The following ARPP21 variants were observed in gnomAD, a reference collection of about 807,000 sequenced individuals.
ARPP21 encodes cAMP-regulated phosphoprotein 21.
ARPP21 carries 69 observed loss-of-function variants against 113.2 expected under a neutral mutation model. The observed-to-expected ratio is 0.61, with a 90% CI of 0.50 to 0.74. The LOEUF (loss-of-function observed/expected upper bound fraction) is 0.74, where lower values mean the gene tolerates loss of function less well. Ranked by LOEUF, ARPP21 falls within the 30% of genes least tolerant of loss-of-function variation. The pLI, the probability that ARPP21 is intolerant of heterozygous loss-of-function variation, is 0.00. For missense variants in ARPP21, 1,070 were observed against 1,037.4 expected, an observed-to-expected ratio of 1.03 and a Z score of -0.43; for synonymous variants, 368 against 375.5, an observed-to-expected ratio of 0.98 and a Z score of 0.23.
At chr3:35,766,847 G>T (rs1479667171) in intron 19 of ARPP21, among the ~76,000 whole-genome samples, 1 of 152,110 alleles carries the variant, frequency 6.6e-6, no homozygotes, top group Non-Finnish European at 1.5e-5. Flanking sequence ...GTGTGTGTGT[G>T]TGTGTACATG....
At chr3:35,733,497 G>A (rs35102908) in intron 15 of ARPP21, among the ~76,000 whole-genome samples, 54,417 of 150,830 alleles carry the variant, frequency 0.36, 10,973 homozygotes, top group East Asian at 0.72. Context: ...AGTTTCTGAC[G>A]TGAAAACCTC....
intron 1 of ARPP21, among the ~76,000 whole-genome samples, chr3:35,646,810 A>G (rs1212431087): frequency 1.3e-5 from 2 of 152,152 alleles, no homozygotes; most frequent in African/African-American, 4.8e-5. Flanking sequence ...ATTTACTTAG[A>G]TATGCTGATG....
intron 1 of ARPP21, chr3:35,650,178 C>T (rs980079653): frequency 6.6e-6 from 1 of 152,122 alleles, no homozygotes; most frequent in Admixed American, 6.6e-5. Context: ...CATTCGAGAA[C>T]ACATTGTTTC....
At chr3:35,683,864 T>C (rs1465603591) in intron 5 of ARPP21, 49 bp downstream of exon 5, 10 of 966,672 alleles carry the variant, frequency 1.0e-5, no homozygotes, top group East Asian at 2.4e-5. Context: ...GATCCACCTT[T>C]GTGTGCATGA....
intron 19 of ARPP21, among the ~76,000 whole-genome samples, chr3:35,751,210 T>A (rs1458584027): frequency 6.6e-6 from 1 of 152,188 alleles, no homozygotes; most frequent in Non-Finnish European, 1.5e-5. Flanking sequence ...TCTGAAACTG[T>A]AGGGATGTGT....
chr3:35,768,304 T>C (rs982036889), intron 19 of ARPP21, among the ~76,000 whole-genome samples: 1 of 152,098 alleles, frequency 6.6e-6, no homozygotes, highest in African/African-American at 2.4e-5. Flanking sequence ...GAAAGTGGTT[T>C]CCTGTTCTCC....
chr3:35,705,205 T>TAA (rs2088329511), intron 9 of ARPP21, among the ~76,000 whole-genome samples: 1 of 152,050 alleles, frequency 6.6e-6, no homozygotes, highest in Admixed American at 6.6e-5. Flanking sequence ...AAAAAATGTG[T>TAA]AACAACATAT....
chr3:35,694,681 C>T (rs1307231982), intron 9 of ARPP21, among the ~76,000 whole-genome samples: 4 of 150,960 alleles, frequency 2.6e-5, no homozygotes, highest in Non-Finnish European at 5.9e-5. Context: ...TGAGCAGAGC[C>T]TTCAAGAAGA....
chr3:35,770,903 T>A (rs1021688420), intron 19 of ARPP21, among the ~76,000 whole-genome samples: 7 of 152,162 alleles, frequency 4.6e-5, no homozygotes, highest in Non-Finnish European at 7.3e-5. Context: ...GAATTACTAG[T>A]CAATAAGGAG....
chr3:35,793,700 G>A lies in ARPP21; in HGVS notation c.2287-1G>A, dbSNP rs2096792787. On this transcript the variant is annotated splice_acceptor_variant, in intron 20 of 20. Transcript: ENST00000684406. LOFTEE classifies it high-confidence loss of function. ...GGGTTCTTGCTTGTGTCTTTTTACA[G>A]GTGCCAATGACCCAGGGTTCTCAAG... is the stretch of plus-strand genomic sequence containing the variant. 1 of 1,612,374 alleles carries A rather than the reference G, an allele frequency of 6.2e-7. No individual in the cohort carries two copies.
chr3:35,754,040 C>T (rs1305860456), intron 19 of ARPP21, among the ~76,000 whole-genome samples: 3 of 144,848 alleles, frequency 2.1e-5, no homozygotes, highest in Non-Finnish European at 3.0e-5. Flanking sequence ...GATTTTTTTG[C>T]TCCTTGGGGT....
At chr3:35,690,824 A>G in intron 8 of ARPP21, 41 bp from the exon 9 acceptor site, 2 of 1,570,802 alleles carry the variant, frequency 1.3e-6, no homozygotes. Context: ...TGGGCAAAAA[A>G]TGAAAATGCT....
intron 10 of ARPP21, 65 bp downstream of exon 10, chr3:35,707,147 T>G: frequency 4.0e-6 from 5 of 1,253,646 alleles, no homozygotes; most frequent in Non-Finnish European, 5.8e-6. Flanking sequence ...CTGATGTTCA[T>G]GTCGTCCCTC....
chr3:35,659,238 T>C (rs1292716252), intron 1 of ARPP21, among the ~76,000 whole-genome samples: 9 of 152,192 alleles, frequency 5.9e-5, no homozygotes, highest in African/African-American at 1.7e-4. Flanking sequence ...ACATACATGC[T>C]TGTGAATGCA....
rs764006456 is a variant in ARPP21, at chr3:35,721,698, C to T, written c.1089C>T (p.Ser363=). ...LKWSDHQRAW[S]STDSDSSNRN... is the part of the protein sequence containing the mutation. ...GGTCTGACCACCAAAGGGCCTGGAG[C>T]AGCACAGACTCCGACAGTTCCAACC... The change falls in exon 14 of 21, where the codon AGC becomes AGT. Residue 363 remains serine (S), a synonymous_variant. Coordinates refer to ENST00000684406, the MANE Select transcript of ARPP21 (RefSeq NM_001385562.1). The T allele has an allele frequency of 1.2e-6, 2 of 1,613,798 alleles. No individual in the cohort carries two copies. The highest frequency in any genetic ancestry group is 3.3e-5 in the Admixed American group (2 of 59,986).
At chr3:35,708,817 C>T in intron 10 of ARPP21, 152 bp from the exon 11 acceptor site, 2 of 633,378 alleles carry the variant, frequency 3.2e-6, no homozygotes, top group Non-Finnish European at 5.6e-6. Flanking sequence ...TACATGCACC[C>T]AACACAGCCT....
chr3:35,675,589 A>G (rs1357858847), intron 1 of ARPP21, among the ~76,000 whole-genome samples: 3 of 151,822 alleles, frequency 2.0e-5, no homozygotes, highest in Admixed American at 2.0e-4. Flanking sequence ...AAGCTTTGGG[A>G]AAAAAATTAT....
rs984549491 is a variant in ARPP21, at chr3:35,700,671, G to A, written c.687-6303G>A. Among the ~76,000 whole-genome samples, 25 of 151,602 alleles carry A rather than the reference G, an allele frequency of 1.6e-4. 1 individual carries two copies. ...AGTTCAGTGTTGGAAGTGAAAAGAA[G>A]TGAATTCAACATGCAAAGTATTGTG... On this transcript the variant is annotated intron_variant, in intron 9 of 20. Transcript: ENST00000684406.
At chr3:35,692,429 C>CA (rs1416282164) in intron 9 of ARPP21, among the ~76,000 whole-genome samples, 1 of 151,496 alleles carries the variant, frequency 6.6e-6, no homozygotes, top group Non-Finnish European at 1.5e-5. Context: ...TAGATATCAT[C>CA]ATGCAGGGAC....
Sources: gnomAD v4.1 joint callset for allele counts (sites outside exome capture counted in the v4.1 genomes callset) on GRCh38, gnomAD v4.1.1 for gene constraint, MANE v1.5 for transcripts, NCBI Gene and HGNC (gene_info 2026-07-23, HGNC 2026-07-21) for gene names.